ANKS1B: variants seen among roughly 807,000 people sequenced by gnomAD.
ANKS1B encodes ankyrin repeat and sterile alpha motif domain-containing protein 1B.
In ANKS1B, 36 loss-of-function variants were observed where a neutral mutation model predicts 148.3. The ratio of observed to expected loss-of-function variants is 0.24; its 90% CI spans 0.19 to 0.32. The LOEUF is 0.32. Among genes scored for constraint, ANKS1B ranks in the 10% least tolerant of loss-of-function variants. The probability of loss-of-function intolerance (pLI) is 1.00; values close to 1 mark genes in which losing one functional copy is unlikely to be tolerated. For synonymous variants in ANKS1B, 542 were observed against 560.8 expected (o/e 0.97, Z 0.47); for missense variants, 1,157 against 1,542.6 (o/e 0.75, Z 4.19).
At chr12:98,867,576 G>C (rs550429625) in intron 17 of ANKS1B, among the ~76,000 whole-genome samples, 134 of 152,178 alleles carry the variant, frequency 8.8e-4, no homozygotes, top group Non-Finnish European at 1.5e-3. Flanking sequence ...ATGTAAGTCA[G>C]TTTGTCGGGC....
intron 17 of ANKS1B, among the ~76,000 whole-genome samples, chr12:98,996,201 A>C (rs748094158): frequency 4.4e-4 from 67 of 152,188 alleles, no homozygotes; most frequent in Non-Finnish European, 8.1e-4. Flanking sequence ...GAAAGGGTCA[A>C]ACTGTTTCCA....
intron 17 of ANKS1B, among the ~76,000 whole-genome samples, chr12:98,931,026 T>G (rs575054694): frequency 6.6e-6 from 1 of 151,934 alleles, no homozygotes; most frequent in South Asian, 2.1e-4. Flanking sequence ...AAAATGATGG[T>G]GACAGAAAAT....
At chr12:98,994,842 T>C (rs2099928581) in intron 17 of ANKS1B, among the ~76,000 whole-genome samples, 1 of 152,182 alleles carries the variant, frequency 6.6e-6, no homozygotes, top group South Asian at 2.1e-4. Context: ...ACCTCGCTTT[T>C]GCTTAATCAC....
rs1444761694 is a variant in ANKS1B at position 99,577,493 on chromosome 12, A to T, written c.1273-72852T>A. 2.6e-5 allele frequency among the ~76,000 whole-genome samples: 4 copies of T among 151,730 alleles called. No individual in the cohort carries two copies. In the East Asian group the frequency reaches 5.8e-4, roughly 22 times the overall value. ...CAATAGACTGCTGGATAGATTAATT[A>T]AAAAAGAGAGAGAAGATCCAAATAA... On this transcript the variant is annotated intron_variant, in intron 9 of 26. Transcript: ENST00000683438.
intron 26 of ANKS1B, among the ~76,000 whole-genome samples, chr12:98,749,608 G>A (rs116786883): frequency 8.3e-4 from 127 of 152,194 alleles, no homozygotes; most frequent in African/African-American, 2.8e-3. Context: ...TGCAGAAACC[G>A]GGGGAGGATA....
At chr12:98,826,201 A>T (rs1032204562) in intron 19 of ANKS1B, among the ~76,000 whole-genome samples, 13 of 152,234 alleles carry the variant, frequency 8.5e-5, no homozygotes, top group Non-Finnish European at 1.8e-4. Context: ...ATATTCATTT[A>T]AAATAATTTG....
chr12:99,440,756 A>G, intron 11 of ANKS1B, among the ~76,000 whole-genome samples: 1 of 151,880 alleles, frequency 6.6e-6, no homozygotes, highest in Non-Finnish European at 1.5e-5. Context: ...CTCATATTGA[A>G]AGCAAGGACT....
chr12:99,529,526 G>A (rs975427966), intron 9 of ANKS1B, among the ~76,000 whole-genome samples: 1 of 151,948 alleles, frequency 6.6e-6, no homozygotes, highest in African/African-American at 2.4e-5. Context: ...GGTGGCGTGT[G>A]CCTGTAATAC....
In ANKS1B at chr12:99,354,780, CAG is replaced by C. The variant is rs1392414659; in HGVS notation, c.1756+44849_1756+44850del. On this transcript the variant is annotated intron_variant, in intron 12 of 26. Transcript: ENST00000683438. ...AGACCTGCAGAATAATAACAGTTGA[CAG>C]GGGAGAAAAAAACCACCCAGAAGTT... Among the ~76,000 whole-genome samples the C allele has an allele frequency of 5.3e-5, 8 of 151,868 alleles. No homozygotes were observed. The South Asian group carries it at 8.3e-4, about 16-fold the overall frequency.
intron 17 of ANKS1B, among the ~76,000 whole-genome samples, chr12:98,862,641 T>C (rs60361186): frequency 5.8e-4 from 88 of 152,264 alleles, no homozygotes; most frequent in African/African-American, 2.0e-3. Context: ...ATGACTGACT[T>C]TTAGATACTG....
intron 17 of ANKS1B, among the ~76,000 whole-genome samples, chr12:99,030,753 A>G (rs1417109756): frequency 6.6e-6 from 1 of 152,210 alleles, no homozygotes; most frequent in Non-Finnish European, 1.5e-5. Flanking sequence ...TCTCTCCATC[A>G]TCTAGCATAG....
Position 99,798,423 on chromosome 12 carries a change from TA to T in ANKS1B, c.669+7980del, listed in dbSNP as rs61020616. 2.9e-3 allele frequency among the ~76,000 whole-genome samples: 225 copies of T among 78,648 alleles called. 1 individual carries two copies. Among genetic ancestry groups the T allele is most frequent in the African/African-American group, 6.4e-3 (148 of 23,062 alleles). 51.6% of individuals were successfully genotyped at this position (78,648 alleles called of 152,430 possible). A position where few individuals can be genotyped will look rare whatever the true frequency, so the allele number is the denominator to read the frequency against. On this transcript the variant is annotated intron_variant, in intron 4 of 26. Transcript: ENST00000683438. ...TAGCCACGTGGGCACCTCTTGGAATTAAAAAAAAAAAAAAAAAAAACAAAAG... is the reference window on the plus strand; with the variant it reads ...TAGCCACGTGGGCACCTCTTGGAATTAAAAAAAAAAAAAAAAAAACAAAAG...
rs1453548386 is a variant in ANKS1B, at chr12:99,887,817, C to T, written c.135-62428G>A. Among the ~76,000 whole-genome samples, 4 of 152,154 alleles carry T rather than the reference C, an allele frequency of 2.6e-5. 1 individual carries two copies. Among genetic ancestry groups the T allele is most frequent in the Admixed American group, 2.6e-4 (4 of 15,268 alleles). On this transcript the variant is annotated intron_variant, in intron 1 of 26. Coordinates refer to ENST00000683438, the MANE Select transcript of ANKS1B (RefSeq NM_001352186.2). The stretch of plus-strand genomic sequence containing the variant: ...TTAATTTAAGCTGCAGTTAAACTTC[C>T]ATAGTGGACAGATTAGTCCCCATGC...
At chr12:99,798,526 A>C (rs531434803) in intron 4 of ANKS1B, among the ~76,000 whole-genome samples, 1 of 152,020 alleles carries the variant, frequency 6.6e-6, no homozygotes, top group South Asian at 2.1e-4. Flanking sequence ...CTTTTGCATT[A>C]TCTAGACCAT....
At chr12:99,425,644 A>C (rs1277427754) in intron 11 of ANKS1B, among the ~76,000 whole-genome samples, 6 of 151,914 alleles carry the variant, frequency 3.9e-5, no homozygotes, top group Admixed American at 1.3e-4. Context: ...AGGTTATGTT[A>C]TAACTTTATT....
In ANKS1B at chr12:99,387,307, G is replaced by A. The variant is rs1277945131; in HGVS notation, c.1756+12324C>T. On this transcript the variant is annotated intron_variant, in intron 12 of 26. Coordinates refer to ENST00000683438, the MANE Select transcript of ANKS1B (RefSeq NM_001352186.2). Reference sequence around the variant, plus strand: ...GTCATGAGGACAGAGCCCTCATGAAGGCGATTAGTGCCCTTATTAAAGAAG... The same window carrying A: ...GTCATGAGGACAGAGCCCTCATGAAAGCGATTAGTGCCCTTATTAAAGAAG... 3.3e-5 allele frequency among the ~76,000 whole-genome samples: 5 copies of A among 152,192 alleles called. No homozygotes were observed. The South Asian group carries it at 1.0e-3, about 31-fold the overall frequency.
chr12:99,946,290 T>C (rs1444181198), intron 1 of ANKS1B, among the ~76,000 whole-genome samples: 1 of 152,324 alleles, frequency 6.6e-6, no homozygotes, highest in East Asian at 1.9e-4. Context: ...ATCAGATATG[T>C]AAGCCTTGCA....
chr12:99,378,652 CAAAA>C (rs140892353), intron 12 of ANKS1B, among the ~76,000 whole-genome samples: 2 of 90,710 alleles, frequency 2.2e-5, no homozygotes, highest in Middle Eastern at 5.7e-3. Context: ...GACTCCATCT[CAAAA>C]AAAAAAAAAA....
At chr12:99,110,253 G>T (rs1177422339) in intron 15 of ANKS1B, among the ~76,000 whole-genome samples, 3 of 152,048 alleles carry the variant, frequency 2.0e-5, no homozygotes, top group Non-Finnish European at 2.9e-5. Flanking sequence ...CAGGAGTACT[G>T]GTCAATTATC....
Sources: allele counts gnomAD v4.1 joint callset (sites outside exome capture counted in the v4.1 genomes callset), GRCh38; gene constraint gnomAD v4.1.1; transcripts MANE v1.5; gene names NCBI Gene and HGNC (gene_info 2026-07-23, HGNC 2026-07-21).